ZNF304: variants seen among roughly 807,000 people sequenced by gnomAD.
The protein encoded by ZNF304 is KRAB-containing zinc finger protein.
In ZNF304, 7 loss-of-function variants were observed where a neutral mutation model predicts 7.8. The ratio of observed to expected loss-of-function variants is 0.90; its 90% CI spans 0.51 to 1.69. The LOEUF (loss-of-function observed/expected upper bound fraction) is 1.69. ZNF304 is among the 40% of genes most tolerant of loss of function. ZNF304 has a pLI of 0.00. For synonymous variants in ZNF304, 280 were observed against 272.4 expected, an observed-to-expected ratio of 1.03 and a Z score of -0.27; for missense variants, 669 against 804.8, an observed-to-expected ratio of 0.83 and a Z score of 2.04.
chr19:57,353,940 A>T, intron 2 of ZNF304, 89 bp downstream of exon 2: 2 of 1,065,536 alleles, frequency 1.9e-6, no homozygotes, highest in Non-Finnish European at 1.3e-6. Context: ...TTATCTCTCC[A>T]GTTTCAGTGC....
Position 57,357,812 on chromosome 19 carries a change from T to G in ZNF304, c.1943T>G (p.Phe648Cys), listed in dbSNP as rs773858842. The change falls in exon 3 of 3, where the codon TTT (phenylalanine) becomes TGT (cysteine). Residue 648 changes from phenylalanine (F) to cysteine (C), a missense_variant. By Grantham distance (205) the Phe-to-Cys change is radical (BLOSUM62 -2). Transcript: ENST00000282286. ...TGERAHECNS[F>C]GGPLAASLKL... ...GAAAGAGCTCACGAGTGCAACAGTTTTGGTGGCCCTTTAGCTGCATCTCTT... is the reference window on the plus strand; with the variant it reads ...GAAAGAGCTCACGAGTGCAACAGTTGTGGTGGCCCTTTAGCTGCATCTCTT... 1 of 1,609,914 alleles carries G rather than the reference T, an allele frequency of 6.2e-7. No individual in the cohort carries two copies. Among genetic ancestry groups the G allele is most frequent in the Admixed American group, 1.7e-5 (1 of 58,960 alleles).
At chr19:57,353,678 C>A in intron 1 of ZNF304, 47 bp from the exon 2 acceptor site, 1 of 1,559,910 alleles carries the variant, frequency 6.4e-7, no homozygotes. Context: ...GGAGGGGGTT[C>A]TGGGGAGAGA....
chr19:57,351,728 G>T lies in ZNF304; in HGVS notation c.33+31G>T, dbSNP rs772962575. 1.2e-6 allele frequency: 2 copies of T among 1,602,664 alleles called. No homozygotes were observed. The highest frequency in any genetic ancestry group is 2.2e-5 in the East Asian group (1 of 44,590). On this transcript the variant is annotated intron_variant, in intron 1 of 2. Coordinates refer to ENST00000282286, the MANE Select transcript of ZNF304 (RefSeq NM_020657.4). The surrounding 1 kb of genome is among the most constrained non-coding windows in gnomAD (Gnocchi z 4.1). Reference sequence around the variant, plus strand: ...TGGGGGCATCCCTCAAGCGCACCCCGGCCTGGTTGGTGTGTCCTGGGATGT... The same window carrying T: ...TGGGGGCATCCCTCAAGCGCACCCCTGCCTGGTTGGTGTGTCCTGGGATGT...
Position 57,351,576 on chromosome 19 carries a change from G to A in ZNF304, c.-89G>A. On this transcript the variant is annotated 5_prime_UTR_variant, in exon 1 of 3. It adds an upstream start codon to the 5' untranslated region. Coordinates refer to ENST00000282286, the MANE Select transcript of ZNF304 (RefSeq NM_020657.4). The surrounding 1 kb of genome is among the most constrained non-coding windows in gnomAD (Gnocchi z 4.1). ...TACACCGGGTAGATTGAGACTTGGAGTGCTACACTCAGCCCGAGGGCGTCC... is the reference window on the plus strand; with the variant it reads ...TACACCGGGTAGATTGAGACTTGGAATGCTACACTCAGCCCGAGGGCGTCC... The A allele has an allele frequency of 8.7e-6, 13 of 1,502,708 alleles. No homozygotes were observed. Among genetic ancestry groups the A allele is most frequent in the Admixed American group, 1.7e-5 (1 of 59,694 alleles). The allele number at this position is 1,502,708 out of a possible 1,614,324, so 93.1% of individuals were successfully genotyped here. A position where few individuals can be genotyped will look rare whatever the true frequency, so the allele number is the denominator to read the frequency against.
Position 57,358,241 on chromosome 19 carries a change from C to CG in ZNF304, c.*392_*393insG, listed in dbSNP as rs1171405631. On this transcript the variant is annotated 3_prime_UTR_variant, in exon 3 of 3. Coordinates refer to ENST00000282286, the MANE Select transcript of ZNF304 (RefSeq NM_020657.4). ...CATGAATATTTTCAAGGACTTCCCCCCCCCCCCACTTCACCCCCTACCATT... is the reference window on the plus strand; with the variant it reads ...CATGAATATTTTCAAGGACTTCCCCCGCCCCCCCACTTCACCCCCTACCATT... The CG allele has an allele frequency of 7.1e-6, 1 of 140,574 alleles. No homozygotes were observed. The highest frequency in any genetic ancestry group is 2.7e-4 in the South Asian group (1 of 3,680). The allele number at this position is 140,574 out of a possible 1,614,324, so 8.7% of individuals were successfully genotyped here.
chr19:57,353,104 T>C (rs1354457468), intron 1 of ZNF304, among the ~76,000 whole-genome samples: 1 of 152,156 alleles, frequency 6.6e-6, no homozygotes, highest in Non-Finnish European at 1.5e-5. Flanking sequence ...GTGGTAATGC[T>C]GTTATTCAGT....
chr19:57,357,808 A>G lies in ZNF304; in HGVS notation c.1939A>G (p.Ser647Gly), dbSNP rs1568520394. The G allele has an allele frequency of 6.2e-7, 1 of 1,610,864 alleles. No individual in the cohort carries two copies. Among genetic ancestry groups the G allele is most frequent in the Non-Finnish European group, 8.5e-7 (1 of 1,178,968 alleles). Residue 647 changes from serine to glycine, a missense_variant, in exon 3 of 3, where the codon AGT (serine) becomes GGT (glycine). By Grantham distance (56) the Ser-to-Gly change is moderately conservative. Coordinates refer to ENST00000282286, the MANE Select transcript of ZNF304 (RefSeq NM_020657.4). ...HTGERAHECN[S>G]FGGPLAASLK... Reference sequence around the variant, plus strand: ...TGGAGAAAGAGCTCACGAGTGCAACAGTTTTGGTGGCCCTTTAGCTGCATC... The same window carrying G: ...TGGAGAAAGAGCTCACGAGTGCAACGGTTTTGGTGGCCCTTTAGCTGCATC...
rs2088345275 is a variant in ZNF304, at chr19:57,356,635, T to C, written c.766T>C (p.Cys256Arg). Residue 256 changes from cysteine (C) to arginine (R), a missense_variant, in exon 3 of 3, where the codon TGT (cysteine) becomes CGT (arginine). By Grantham distance (180) the Cys-to-Arg change is radical. Coordinates refer to ENST00000282286, the MANE Select transcript of ZNF304 (RefSeq NM_020657.4). Reference sequence around the variant, plus strand: ...GGTGAGACCCTTCAGATGCCTACCATGTGGAAATGTGTTCAAGGAGAAATC... The same window carrying C: ...GGTGAGACCCTTCAGATGCCTACCACGTGGAAATGTGTTCAAGGAGAAATC... ...AEVRPFRCLP[C>R]GNVFKEKSAL... The C allele has an allele frequency of 1.2e-6, 2 of 1,614,182 alleles. No individual in the cohort carries two copies. The highest frequency in any genetic ancestry group is 1.7e-5 in the Admixed American group (1 of 60,018).
rs1354148454 is a variant in ZNF304 at position 57,358,029 on chromosome 19, C to T, written c.*180C>T. The T allele has an allele frequency of 1.4e-6, 1 of 724,076 alleles. No homozygotes were observed. Among genetic ancestry groups the T allele is most frequent in the Non-Finnish European group, 2.2e-6 (1 of 455,494 alleles). The allele number at this position is 724,076 out of a possible 1,614,324, so 44.9% of individuals were successfully genotyped here. On this transcript the variant is annotated 3_prime_UTR_variant, in exon 3 of 3. Coordinates refer to ENST00000282286, the MANE Select transcript of ZNF304 (RefSeq NM_020657.4). ...CTGGGGAGATTCCTGATAAGCACCA[C>T]ATATGTGGGAGGCTTTCATGAGGTG...
In ZNF304 at chr19:57,356,573, C is replaced by T. The variant is rs754792059; in HGVS notation, c.704C>T (p.Thr235Ile). Reference sequence around the variant, plus strand: ...GATGAAGGGAAAGCCTTCCTGGACACCTTTACTCTTCTTGACAGCCAGATG... The same window carrying T: ...GATGAAGGGAAAGCCTTCCTGGACATCTTTACTCTTCTTGACAGCCAGATG... Reference protein sequence around the residue: ...CGDEGKAFLDTFTLLDSQMTH... With the variant: ...CGDEGKAFLDIFTLLDSQMTH... The change falls in exon 3 of 3, where the codon ACC becomes ATC. Residue 235 changes from threonine (T) to isoleucine (I), a missense_variant. Thr to Ile is a moderately conservative substitution (Grantham distance 89, BLOSUM62 -1). Coordinates refer to ENST00000282286, the MANE Select transcript of ZNF304 (RefSeq NM_020657.4). The T allele has an allele frequency of 1.9e-6, 3 of 1,614,170 alleles. No individual in the cohort carries two copies. Among genetic ancestry groups the T allele is most frequent in the East Asian group, 4.5e-5 (2 of 44,882 alleles).
Position 57,359,267 on chromosome 19 carries a change from G to A in ZNF304, c.*1418G>A, listed in dbSNP as rs1462968257. On this transcript the variant is annotated 3_prime_UTR_variant, in exon 3 of 3. Coordinates refer to ENST00000282286, the MANE Select transcript of ZNF304 (RefSeq NM_020657.4). ...TCTTCTCTGACCCAGCCAGCATTCCGAGTGACTGAGGTGGATGTGGACATC... is the reference window on the plus strand; with the variant it reads ...TCTTCTCTGACCCAGCCAGCATTCCAAGTGACTGAGGTGGATGTGGACATC... 1 of 152,218 alleles carries A rather than the reference G, an allele frequency of 6.6e-6. No individual in the cohort carries two copies. Among genetic ancestry groups the A allele is most frequent in the Admixed American group, 6.5e-5 (1 of 15,288 alleles). 9.4% of individuals were successfully genotyped at this position (152,218 alleles called of 1,614,324 possible).
At chr19:57,353,997 G>GTT (rs35055601) in intron 2 of ZNF304, 146 bp downstream of exon 2, 28 of 608,674 alleles carry the variant, frequency 4.6e-5, no homozygotes, top group African/African-American at 7.7e-5. Context: ...TATTTTGAGG[G>GTT]TTTTTTTTTT....
chr19:57,355,263 C>A, intron 2 of ZNF304: 1 of 765,060 alleles, frequency 1.3e-6, no homozygotes. Context: ...CCTTTGTTTG[C>A]GTTACAGCTT....
Position 57,356,350 on chromosome 19 carries a change from C to T in ZNF304, c.481C>T (p.His161Tyr), listed in dbSNP as rs778083887. ...CTCATTTGTGAAGAGCTGTACAGTC[C>T]ACATGTTAGGGAGATCCTTTACGTG... ...GASFVKSCTV[H>Y]MLGRSFTCRE... Residue 161 changes from histidine to tyrosine, a missense_variant, in exon 3 of 3, where the codon CAC becomes TAC. By Grantham distance (83) the His-to-Tyr change is moderately conservative (BLOSUM62 2). Transcript: ENST00000282286. The T allele has an allele frequency of 6.2e-7, 1 of 1,614,142 alleles. No homozygotes were observed. Among genetic ancestry groups the T allele is most frequent in the Non-Finnish European group, 8.5e-7 (1 of 1,180,020 alleles).
chr19:57,351,689 C>T lies in ZNF304; in HGVS notation c.25C>T (p.Arg9Trp). The change falls in exon 1 of 3, where the codon CGG becomes TGG. Residue 9 changes from arginine to tryptophan, a missense_variant. Physicochemically the swap from Arg to Trp is moderately radical, Grantham distance 101 (BLOSUM62 -3). Coordinates refer to ENST00000282286, the MANE Select transcript of ZNF304 (RefSeq NM_020657.4). This position sits in a 1 kb window ranked among gnomAD's most constrained non-coding sequence, Gnocchi z 4.1. MAAAVLMD[R>W]VQSCVTFEDV... is the part of the protein sequence containing the mutation. ...CATGGCAGCGGCGGTGCTGATGGAC[C>T]GGGTTCAGGTGAGTGGGGGCATCCC... 1 of 1,612,594 alleles carries T rather than the reference C, an allele frequency of 6.2e-7. No individual in the cohort carries two copies. Among genetic ancestry groups the T allele is most frequent in the South Asian group, 1.1e-5 (1 of 90,896 alleles).
Position 57,357,070 on chromosome 19 carries a change from A to G in ZNF304, c.1201A>G (p.Ser401Gly), listed in dbSNP as rs1461811123. 6.2e-7 allele frequency: 1 copy of G among 1,614,144 alleles called. No homozygotes were observed. ...GTGCAGTGAATGTGGAAAATTCTTT[A>G]GCCAAAGCTCCCACCTTATTGAGCA... ...YECSECGKFF[S>G]QSSHLIEHWR... Residue 401 changes from serine to glycine, a missense_variant, in exon 3 of 3, where the codon AGC becomes GGC. Transcript: ENST00000282286.
In ZNF304 at chr19:57,351,417, C is replaced by T. The variant is rs1444360402; in HGVS notation, c.-248C>T. 5 of 576,770 alleles carry T rather than the reference C, an allele frequency of 8.7e-6. No homozygotes were observed. The African/African-American group carries it at 9.5e-5, about 11-fold the overall frequency. The allele number at this position is 576,770 out of a possible 1,614,324, so 35.7% of individuals were successfully genotyped here. ...CTTCCTTCGCGCTTTTGTTACAATC[C>T]ATGACCCCTGTCGTGGGACGGGCGG... On this transcript the variant is annotated 5_prime_UTR_variant, in exon 1 of 3. Coordinates refer to ENST00000282286, the MANE Select transcript of ZNF304 (RefSeq NM_020657.4). This position sits in a 1 kb window ranked among gnomAD's most constrained non-coding sequence, Gnocchi z 4.1.
In ZNF304 at chr19:57,358,248, C is replaced by CG. The variant is rs1555778742; in HGVS notation, c.*399_*400insG. On this transcript the variant is annotated 3_prime_UTR_variant, in exon 3 of 3. Transcript: ENST00000282286. ...ATTTTCAAGGACTTCCCCCCCCCCC[C>CG]ACTTCACCCCCTACCATTGAGGGTC... is the stretch of plus-strand genomic sequence containing the variant. The CG allele has an allele frequency of 1.5e-5, 2 of 135,402 alleles. No individual in the cohort carries two copies. Among genetic ancestry groups the CG allele is most frequent in the African/African-American group, 3.1e-5 (1 of 32,586 alleles). The allele number at this position is 135,402 out of a possible 1,614,324, so 8.4% of individuals were successfully genotyped here. A position where few individuals can be genotyped will look rare whatever the true frequency, so the allele number is the denominator to read the frequency against.
Position 57,356,253 on chromosome 19 carries a change from C to T in ZNF304, c.384C>T (p.Phe128=), listed in dbSNP as rs1341620510. The T allele has an allele frequency of 6.2e-7, 1 of 1,614,202 alleles. No homozygotes were observed. The highest frequency in any genetic ancestry group is 1.7e-5 in the Admixed American group (1 of 60,030). Residue 128 remains phenylalanine (F), a synonymous_variant, in exon 3 of 3, where the codon TTC becomes TTT. Transcript: ENST00000282286. ...TRGLCRRRFS[F]SANFYQHQKQ... is the part of the protein sequence containing the mutation. ...GGCTGTGTAGGAGAAGATTCTCGTT[C>T]AGTGCAAACTTTTACCAGCACCAGA...
Sources: allele counts gnomAD v4.1 joint callset (sites outside exome capture counted in the v4.1 genomes callset), GRCh38; gene constraint gnomAD v4.1.1; non-coding constraint Gnocchi (gnomAD v3.1); transcripts MANE v1.5; gene names NCBI Gene and HGNC (gene_info 2026-07-23, HGNC 2026-07-21).